The following TRDN variants were observed in gnomAD, a reference collection of about 807,000 sequenced individuals.
TRDN encodes triadin, also known as triadin in skeletal muscle.
Under a neutral mutation model 149.7 loss-of-function variants are expected in TRDN, and 161 were observed. That is an observed-to-expected ratio of 1.08 (90% CI 0.95 to 1.23). The LOEUF is 1.23. Ranked by LOEUF, TRDN falls within the 50% of genes most tolerant of loss-of-function variation. The probability of loss-of-function intolerance (pLI) is 0.00; values close to 1 mark genes in which losing one functional copy is unlikely to be tolerated. For missense variants in TRDN, 896 were observed against 823.5 expected, an observed-to-expected ratio of 1.09 and a Z score of -1.08; for synonymous variants, 294 against 250.5, an observed-to-expected ratio of 1.17 and a Z score of -1.64.
At chr6:123,295,009 T>G (rs1778143912) in intron 24 of TRDN, among the ~76,000 whole-genome samples, 2 of 152,154 alleles carry the variant, frequency 1.3e-5, no homozygotes, top group African/African-American at 4.8e-5. Flanking sequence ...GTATCTAATC[T>G]TTGAGGGGGC....
intron 23 of TRDN, among the ~76,000 whole-genome samples, chr6:123,323,091 A>G (rs1779317539): frequency 6.6e-6 from 1 of 152,296 alleles, no homozygotes; most frequent in Admixed American, 6.5e-5. Context: ...ATGCTGTTTC[A>G]AAATGACAGG....
At chr6:123,257,198 T>A (rs1776595703) in intron 35 of TRDN, among the ~76,000 whole-genome samples, 1 of 152,070 alleles carries the variant, frequency 6.6e-6, no homozygotes, top group Admixed American at 6.6e-5. Flanking sequence ...CAGGGTGGTC[T>A]CGATCTCTTG....
In TRDN at chr6:123,547,520, G is replaced by A. The variant is rs7450199; in HGVS notation, c.392-148C>T. On this transcript the variant is annotated intron_variant, in intron 3 of 40. Transcript: ENST00000334268. ...ACATTACTTTGCTTCCCAAATTCCA[G>A]TTTTTAAGTATAAAGTTTGTTTATA... 0.5 allele frequency: 215,919 copies of A among 435,004 alleles called. 56,878 individuals are homozygous for A. The highest frequency in any genetic ancestry group is 0.54 in the African/African-American group (26,018 of 48,236). The allele number at this position is 435,004 out of a possible 1,614,324, so 26.9% of individuals were successfully genotyped here. A position where few individuals can be genotyped will look rare whatever the true frequency, so the allele number is the denominator to read the frequency against.
intron 23 of TRDN, among the ~76,000 whole-genome samples, chr6:123,329,135 T>C (rs1779573712): frequency 6.6e-6 from 1 of 152,152 alleles, no homozygotes; most frequent in Non-Finnish European, 1.5e-5. Context: ...GATTACTGAA[T>C]CAGAATCTTT....
chr6:123,573,416 C>G (rs1323591104), intron 1 of TRDN, among the ~76,000 whole-genome samples: 1 of 152,090 alleles, frequency 6.6e-6, no homozygotes, highest in Non-Finnish European at 1.5e-5. Context: ...ACATCACCTT[C>G]ATTGCTACCA....
chr6:123,616,961 T>C (rs1051577513), intron 1 of TRDN, among the ~76,000 whole-genome samples: 13 of 152,220 alleles, frequency 8.5e-5, no homozygotes, highest in African/African-American at 3.1e-4. Flanking sequence ...AATGAAAAAA[T>C]ATTTCATGGT....
At chr6:123,257,296 A>G (rs1413449907) in intron 35 of TRDN, among the ~76,000 whole-genome samples, 1 of 151,960 alleles carries the variant, frequency 6.6e-6, no homozygotes, top group Non-Finnish European at 1.5e-5. Flanking sequence ...TCTTTAATCC[A>G]TCTTGAGTTA....
At chr6:123,554,238 A>G (rs1781537607) in intron 2 of TRDN, among the ~76,000 whole-genome samples, 1 of 152,108 alleles carries the variant, frequency 6.6e-6, no homozygotes, top group Admixed American at 6.6e-5. Context: ...TAAACTTGGT[A>G]TATGTTGCTG....
chr6:123,319,441 C>T (rs1319231238), intron 23 of TRDN, among the ~76,000 whole-genome samples: 1 of 151,702 alleles, frequency 6.6e-6, no homozygotes, highest in African/African-American at 2.4e-5. Context: ...GGATTTATTT[C>T]AAGCCATATA....
intron 24 of TRDN, among the ~76,000 whole-genome samples, chr6:123,296,917 G>GA (rs1430343283): frequency 4.6e-5 from 7 of 151,960 alleles, no homozygotes; most frequent in Admixed American, 2.0e-4. Flanking sequence ...CAAATTTCTG[G>GA]AAAAAATTTT....
At chr6:123,579,670 A>T (rs1378517236) in intron 1 of TRDN, among the ~76,000 whole-genome samples, 1 of 152,060 alleles carries the variant, frequency 6.6e-6, no homozygotes, top group Non-Finnish European at 1.5e-5. Flanking sequence ...AATGAGTTGG[A>T]GAGGAGTGCC....
intron 1 of TRDN, among the ~76,000 whole-genome samples, chr6:123,614,228 T>A (rs761324562): frequency 6.8e-6 from 1 of 148,134 alleles, no homozygotes; most frequent in Non-Finnish European, 1.5e-5. Context: ...AATCACTTCC[T>A]GCTTTAAACT....
intron 19 of TRDN, 109 bp from the exon 20 acceptor site, chr6:123,366,291 A>G: frequency 2.0e-6 from 2 of 979,824 alleles, no homozygotes; most frequent in Non-Finnish European, 1.5e-6. Context: ...TGCACATGAG[A>G]GCAAAGCAAG....
At chr6:123,398,652 C>T (rs1353567012) in intron 12 of TRDN, among the ~76,000 whole-genome samples, 1 of 152,158 alleles carries the variant, frequency 6.6e-6, no homozygotes, top group African/African-American at 2.4e-5. Context: ...CTAGGCTAAG[C>T]CTCTTGTACT....
chr6:123,303,239 G>A (rs945233293), intron 24 of TRDN, among the ~76,000 whole-genome samples: 1 of 151,834 alleles, frequency 6.6e-6, no homozygotes, highest in African/African-American at 2.4e-5. Flanking sequence ...CTGTGCATGT[G>A]GTATATATCA....
intron 20 of TRDN, among the ~76,000 whole-genome samples, chr6:123,363,503 A>G (rs893162614): frequency 6.6e-6 from 1 of 152,232 alleles, no homozygotes; most frequent in Non-Finnish European, 1.5e-5. Context: ...AAATAAACTC[A>G]ATATGTAGAA....
chr6:123,438,925 T>C lies in TRDN; in HGVS notation c.991+19A>G, dbSNP rs1285917019. Reference sequence around the variant, plus strand: ...GACACTAATTGATTTATGTGGTACATGGCTTTTAAATTTCCTACCTTTCTT... The same window carrying C: ...GACACTAATTGATTTATGTGGTACACGGCTTTTAAATTTCCTACCTTTCTT... On this transcript the variant is annotated intron_variant, in intron 11 of 40. Coordinates refer to ENST00000334268, the MANE Select transcript of TRDN (RefSeq NM_006073.4). The C allele has an allele frequency of 1.9e-6, 3 of 1,545,906 alleles. No homozygotes were observed. The highest frequency in any genetic ancestry group is 2.6e-6 in the Non-Finnish European group (3 of 1,142,162).
chr6:123,531,804 A>G (rs927708734), intron 4 of TRDN, among the ~76,000 whole-genome samples: 1 of 152,014 alleles, frequency 6.6e-6, no homozygotes, highest in African/African-American at 2.4e-5. Context: ...ATTTTACTCT[A>G]CAGCAGGGTT....
At chr6:123,232,066 C>T (rs949889865) in intron 38 of TRDN, among the ~76,000 whole-genome samples, 1 of 151,808 alleles carries the variant, frequency 6.6e-6, no homozygotes, top group Non-Finnish European at 1.5e-5. Context: ...GGGTCTTATC[C>T]ACAAAGAAGT....
Sources: allele counts gnomAD v4.1 joint callset (sites outside exome capture counted in the v4.1 genomes callset), GRCh38; gene constraint gnomAD v4.1.1; transcripts MANE v1.5; gene names NCBI Gene and HGNC (gene_info 2026-07-23, HGNC 2026-07-21).